The following TAFA2 variants were observed in gnomAD, a reference collection of about 807,000 sequenced individuals.
The protein encoded by TAFA2 is TAFA chemokine like family member 2.
In TAFA2, 7 loss-of-function variants were observed where a neutral mutation model predicts 18.8. The ratio of observed to expected loss-of-function variants is 0.37; its 90% CI spans 0.21 to 0.70. The LOEUF is 0.70. Among genes scored for constraint, TAFA2 ranks in the 30% least tolerant of loss-of-function variants. The pLI, the probability that TAFA2 is intolerant of heterozygous loss-of-function variation, is 0.53. For missense variants in TAFA2, 122 were observed against 158.1 expected, an observed-to-expected ratio of 0.77 and a Z score of 1.23; for synonymous variants, 60 against 54.2, an observed-to-expected ratio of 1.11 and a Z score of -0.47.
Position 61,984,936 on chromosome 12 carries a change from C to T in TAFA2, c.-1-117510G>A, listed in dbSNP as rs113402005. Among the ~76,000 whole-genome samples the T allele has an allele frequency of 2.7e-3, 414 of 152,252 alleles. 2 individuals are homozygous for T. Among genetic ancestry groups the T allele is most frequent in the African/African-American group, 8.0e-3 (333 of 41,546 alleles). ...GTGCTTTGGAATAGAAATAAACATC[C>T]TATTTTTATTGTATACCAGACTCTC... On this transcript the variant is annotated intron_variant, in intron 1 of 4. Coordinates refer to ENST00000416284, the MANE Select transcript of TAFA2 (RefSeq NM_178539.5).
At chr12:61,892,281 A>T (rs188008052) in intron 1 of TAFA2, among the ~76,000 whole-genome samples, 23 of 152,208 alleles carry the variant, frequency 1.5e-4, no homozygotes, top group African/African-American at 5.5e-4. Flanking sequence ...AAATGAGTTA[A>T]TTGTCTTTGG....
chr12:61,862,512 G>A (rs942640040), intron 2 of TAFA2, among the ~76,000 whole-genome samples: 13 of 152,210 alleles, frequency 8.5e-5, no homozygotes, highest in Admixed American at 2.0e-4. Flanking sequence ...TTCAGAAAAC[G>A]GAGTAATACA....
intron 1 of TAFA2, among the ~76,000 whole-genome samples, chr12:62,176,828 A>G (rs1294196769): frequency 6.6e-6 from 1 of 152,228 alleles, no homozygotes; most frequent in African/African-American, 2.4e-5. Context: ...TCTAACCAGC[A>G]TTCTGTTAAG....
At chr12:62,014,946 A>G (rs957249765) in intron 1 of TAFA2, among the ~76,000 whole-genome samples, 4 of 152,190 alleles carry the variant, frequency 2.6e-5, no homozygotes, top group African/African-American at 9.7e-5. Context: ...TTCTTCTATT[A>G]GCAAATTCTA....
At position 61,732,148 on chromosome 12, in the gene TAFA2, A is replaced by G. The variant is rs562357142; in HGVS notation, c.384+21474T>C. On this transcript the variant is annotated intron_variant, in intron 4 of 4. Transcript: ENST00000416284. ...TTGCTGAGAAAGTGAGGTTTCAGTAAGAGCATATGGAGATAAGAGAGCCAG... is the reference window on the plus strand; with the variant it reads ...TTGCTGAGAAAGTGAGGTTTCAGTAGGAGCATATGGAGATAAGAGAGCCAG... 2.6e-5 allele frequency among the ~76,000 whole-genome samples: 4 copies of G among 152,210 alleles called. No homozygotes were observed. In the East Asian group the frequency reaches 5.8e-4, roughly 22 times the overall value.
At chr12:62,066,659 T>C (rs1255578814) in intron 1 of TAFA2, among the ~76,000 whole-genome samples, 1 of 152,140 alleles carries the variant, frequency 6.6e-6, no homozygotes, top group East Asian at 1.9e-4. Flanking sequence ...ATTCTTTTTA[T>C]GGCTGAATAG....
intron 1 of TAFA2, among the ~76,000 whole-genome samples, chr12:61,906,816 G>A (rs749168182): frequency 3.3e-5 from 5 of 152,218 alleles, no homozygotes; most frequent in East Asian, 1.9e-4. Context: ...GGGAACTGGA[G>A]TAAAGGTAAT....
intron 1 of TAFA2, among the ~76,000 whole-genome samples, chr12:62,086,169 AAAAACAAAAC>A (rs1332423561): frequency 6.6e-6 from 1 of 151,054 alleles, no homozygotes; most frequent in Non-Finnish European, 1.5e-5. Context: ...ACAGTCTCAA[AAAAACAAAAC>A]AAAACAAAAC....
At chr12:61,950,634 G>A (rs144899757) in intron 1 of TAFA2, among the ~76,000 whole-genome samples, 1 of 152,006 alleles carries the variant, frequency 6.6e-6, no homozygotes, top group Non-Finnish European at 1.5e-5. Context: ...TTGTTGAGTT[G>A]TAAGAATTCT....
chr12:62,209,171 AT>A (rs1409604218), intron 1 of TAFA2, among the ~76,000 whole-genome samples: 2 of 152,210 alleles, frequency 1.3e-5, no homozygotes, highest in Non-Finnish European at 2.9e-5. Context: ...CTCATCTTGA[AT>A]TGCAATCCCC....
At chr12:61,774,633 A>C (rs1274978235) in intron 2 of TAFA2, among the ~76,000 whole-genome samples, 2 of 151,888 alleles carry the variant, frequency 1.3e-5, no homozygotes, top group East Asian at 3.9e-4. Flanking sequence ...ACACAAGGGC[A>C]TAAGAATGAT....
chr12:62,054,279 C>A (rs1292694648), intron 1 of TAFA2, among the ~76,000 whole-genome samples: 1 of 152,168 alleles, frequency 6.6e-6, no homozygotes, highest in East Asian at 1.9e-4. Flanking sequence ...CAAATATGGA[C>A]GTGATGCTGA....
At chr12:61,751,822 T>C (rs1869029109) in intron 4 of TAFA2, among the ~76,000 whole-genome samples, 1 of 151,982 alleles carries the variant, frequency 6.6e-6, no homozygotes, top group South Asian at 2.1e-4. Context: ...TCATTGAGAA[T>C]ATGGTCAACA....
At chr12:62,124,133 G>T (rs762921856) in intron 1 of TAFA2, among the ~76,000 whole-genome samples, 1 of 152,038 alleles carries the variant, frequency 6.6e-6, no homozygotes, top group Non-Finnish European at 1.5e-5. Context: ...AAGAATGGTA[G>T]AATTCATCAG....
chr12:61,721,300 T>C (rs1869886369), intron 4 of TAFA2, among the ~76,000 whole-genome samples: 1 of 152,220 alleles, frequency 6.6e-6, no homozygotes, highest in Non-Finnish European at 1.5e-5. Flanking sequence ...CATAGTCATC[T>C]AAGCGCAAAG....
At chr12:62,118,478 TGGATATCTA>T (rs1235788858) in intron 1 of TAFA2, among the ~76,000 whole-genome samples, 1 of 152,140 alleles carries the variant, frequency 6.6e-6, no homozygotes, top group African/African-American at 2.4e-5. Flanking sequence ...TGAGTTTTAT[TGGATATCTA>T]GGAGTATAAT....
At chr12:62,146,475 T>G (rs2062282285) in intron 1 of TAFA2, among the ~76,000 whole-genome samples, 1 of 151,858 alleles carries the variant, frequency 6.6e-6, no homozygotes, top group African/African-American at 2.4e-5. Context: ...GTAGAGACTG[T>G]TTCATCATGT....
chr12:62,184,290 C>A (rs1224114513), intron 1 of TAFA2, among the ~76,000 whole-genome samples: 1 of 152,086 alleles, frequency 6.6e-6, no homozygotes, highest in Non-Finnish European at 1.5e-5. Context: ...TAAATGCATA[C>A]ATATCTTAGC....
At chr12:61,849,612 C>T (rs753070962) in intron 2 of TAFA2, among the ~76,000 whole-genome samples, 2 of 152,132 alleles carry the variant, frequency 1.3e-5, no homozygotes, top group South Asian at 2.1e-4. Flanking sequence ...CTAGAAACTA[C>T]AGGAGACACT....
Sources: gnomAD v4.1 joint callset for allele counts (sites outside exome capture counted in the v4.1 genomes callset) on GRCh38, gnomAD v4.1.1 for gene constraint, MANE v1.5 for transcripts, NCBI Gene and HGNC (gene_info 2026-07-23, HGNC 2026-07-21) for gene names.